Variants in PDE4B observed in about 807,000 individuals in gnomAD.
The protein encoded by PDE4B is 3',5'-cyclic-AMP phosphodiesterase 4B.
In PDE4B, 20 loss-of-function variants were observed where a neutral mutation model predicts 82.2. That is an observed-to-expected ratio of 0.24 (90% CI 0.17 to 0.35). The LOEUF (loss-of-function observed/expected upper bound fraction) is 0.35, where lower values mean the gene tolerates loss of function less well. Among genes scored for constraint, PDE4B ranks in the 10% least tolerant of loss-of-function variants. The probability of loss-of-function intolerance (pLI) is 1.00; values close to 1 mark genes in which losing one functional copy is unlikely to be tolerated. For missense variants in PDE4B, 655 were observed against 907.2 expected, an observed-to-expected ratio of 0.72 and a Z score of 3.57; for synonymous variants, 320 against 318.9, an observed-to-expected ratio of 1.00 and a Z score of -0.04.
Position 65,822,969 on chromosome 1 carries a change from C to T in PDE4B, c.-71+29721C>T, listed in dbSNP as rs191448900. ...TATACTAGACGTTGTAAAGTGGTAT[C>T]GCATACTGATTTTAATTTCCATTTT... On this transcript the variant is annotated intron_variant, in intron 1 of 16. Coordinates refer to ENST00000341517, the MANE Select transcript of PDE4B (RefSeq NM_002600.4). Among the ~76,000 whole-genome samples the T allele has an allele frequency of 2.0e-3, 301 of 152,242 alleles. 1 individual carries two copies. The highest frequency in any genetic ancestry group is 3.1e-3 in the Non-Finnish European group (213 of 68,020).
At chr1:65,847,800 G>A (rs1646283922) in intron 1 of PDE4B, among the ~76,000 whole-genome samples, 1 of 152,184 alleles carries the variant, frequency 6.6e-6, no homozygotes, top group African/African-American at 2.4e-5. Flanking sequence ...CCCTGAGCTT[G>A]GAACATTTGG....
intron 3 of PDE4B, among the ~76,000 whole-genome samples, chr1:66,117,747 GT>G (rs1333723283): frequency 6.6e-6 from 1 of 152,064 alleles, no homozygotes; most frequent in African/African-American, 2.4e-5. Context: ...GCCCATCTGA[GT>G]TTTCTTTGGT....
chr1:66,372,301 A>C lies in PDE4B; in HGVS notation c.1846-12A>C, dbSNP rs1392177475. On this transcript the variant is annotated splice_polypyrimidine_tract_variant and intron_variant, in intron 16 of 16. Coordinates refer to ENST00000341517, the MANE Select transcript of PDE4B (RefSeq NM_002600.4). ...ATCACAATAACAGATGTGTCATCTT[A>C]TTTTTCTCCAGGTTGGTTTCATCGA... is the stretch of plus-strand genomic sequence containing the variant. The C allele has an allele frequency of 3.1e-6, 5 of 1,589,356 alleles. No homozygotes were observed. Among genetic ancestry groups the C allele is most frequent in the Non-Finnish European group, 3.4e-6 (4 of 1,165,110 alleles).
At chr1:65,865,604 A>G (rs570723892) in intron 1 of PDE4B, among the ~76,000 whole-genome samples, 101 of 152,280 alleles carry the variant, frequency 6.6e-4, no homozygotes, top group African/African-American at 2.3e-3. Context: ...CCAATAGCAC[A>G]GTCCCTCACG....
At chr1:65,861,480 T>C (rs567000119) in intron 1 of PDE4B, among the ~76,000 whole-genome samples, 5 of 152,328 alleles carry the variant, frequency 3.3e-5, no homozygotes, top group Admixed American at 3.3e-4. Context: ...TCAGGTAGTG[T>C]GATGCCTCTA....
intron 4 of PDE4B, among the ~76,000 whole-genome samples, chr1:66,253,466 G>A (rs904721542): frequency 6.6e-5 from 10 of 152,220 alleles, no homozygotes; most frequent in South Asian, 6.2e-4. Flanking sequence ...TGCTCATTTC[G>A]TTATTCTACA....
chr1:65,956,306 A>C (rs1287959710), intron 3 of PDE4B, among the ~76,000 whole-genome samples: 1 of 152,126 alleles, frequency 6.6e-6, no homozygotes, highest in Non-Finnish European at 1.5e-5. Context: ...TCCTGTTTTA[A>C]TTCAGGAAAC....
At chr1:65,841,325 G>T (rs1482868501) in intron 1 of PDE4B, among the ~76,000 whole-genome samples, 1 of 150,510 alleles carries the variant, frequency 6.6e-6, no homozygotes, top group African/African-American at 2.4e-5. Flanking sequence ...GAAAAAAAGA[G>T]AGAGAGAGAA....
intron 7 of PDE4B, among the ~76,000 whole-genome samples, chr1:66,268,952 A>G (rs1013169827): frequency 5.9e-5 from 9 of 152,268 alleles, no homozygotes; most frequent in Non-Finnish European, 1.0e-4. Flanking sequence ...TGCCTTATCT[A>G]TCTTTTTATT....
At position 66,365,594 on chromosome 1, in the gene PDE4B, C is replaced by A; in HGVS notation, c.1285-73C>A. On this transcript the variant is annotated intron_variant, in intron 12 of 16. Transcript: ENST00000341517. ...CTCCCAACAAGAATAAAGTAGGATA[C>A]TTTACAAATGAAACTGAATAAGCAG... is the stretch of plus-strand genomic sequence containing the variant. 8.8e-6 allele frequency: 7 copies of A among 795,210 alleles called. No homozygotes were observed. In the East Asian group the frequency reaches 1.0e-4, roughly 12 times the overall value. The allele number at this position is 795,210 out of a possible 1,614,324, so 49.3% of individuals were successfully genotyped here. A position where few individuals can be genotyped will look rare whatever the true frequency, so the allele number is the denominator to read the frequency against.
chr1:66,195,665 G>GT (rs2101499706), intron 3 of PDE4B, among the ~76,000 whole-genome samples: 1 of 152,214 alleles, frequency 6.6e-6, no homozygotes, highest in South Asian at 2.1e-4. Flanking sequence ...CTGTAAAATG[G>GT]AAAATATATT....
At chr1:65,884,699 A>T (rs1646751750) in intron 1 of PDE4B, among the ~76,000 whole-genome samples, 1 of 152,220 alleles carries the variant, frequency 6.6e-6, no homozygotes, top group Non-Finnish European at 1.5e-5. Context: ...CACCTTATAC[A>T]AAAATTAATT....
At chr1:65,822,720 T>G (rs1449438173) in intron 1 of PDE4B, among the ~76,000 whole-genome samples, 1 of 152,120 alleles carries the variant, frequency 6.6e-6, no homozygotes, top group Non-Finnish European at 1.5e-5. Context: ...GGACACAGCA[T>G]TTGACCCTTC....
chr1:66,054,961 G>T (rs1031304675), intron 3 of PDE4B, among the ~76,000 whole-genome samples: 2 of 152,178 alleles, frequency 1.3e-5, no homozygotes, highest in African/African-American at 4.8e-5. Flanking sequence ...AGAAATCAGT[G>T]TAAACTAGTG....
chr1:66,018,244 C>T (rs1652890339), intron 3 of PDE4B, among the ~76,000 whole-genome samples: 1 of 152,010 alleles, frequency 6.6e-6, no homozygotes, highest in African/African-American at 2.4e-5. Flanking sequence ...CGTGAAACCC[C>T]GTCTCTACCA....
At chr1:66,152,283 T>C (rs1473260909) in intron 3 of PDE4B, 1 of 160,958 alleles carries the variant, frequency 6.2e-6, no homozygotes, top group Non-Finnish European at 1.4e-5. Context: ...TGGAAGCAAT[T>C]CCCAGTGCTG....
chr1:65,986,657 A>G (rs1650968327), intron 3 of PDE4B, among the ~76,000 whole-genome samples: 1 of 152,210 alleles, frequency 6.6e-6, no homozygotes, highest in South Asian at 2.1e-4. Context: ...TTAAATACCT[A>G]CTATGTAGCA....
chr1:66,243,979 A>C (rs933521128), intron 3 of PDE4B, among the ~76,000 whole-genome samples: 6 of 152,238 alleles, frequency 3.9e-5, no homozygotes, highest in Non-Finnish European at 8.8e-5. Flanking sequence ...AAATATTCAG[A>C]AACTTGTGAG....
chr1:65,821,592 G>T lies in PDE4B; in HGVS notation c.-71+28344G>T, dbSNP rs557789665. Reference sequence around the variant, plus strand: ...GTTACTTGTGTCTTAAATCTATTTTGTCTATACTTCTCCCTAATCTACTTC... The same window carrying T: ...GTTACTTGTGTCTTAAATCTATTTTTTCTATACTTCTCCCTAATCTACTTC... On this transcript the variant is annotated intron_variant, in intron 1 of 16. Transcript: ENST00000341517. Among the ~76,000 whole-genome samples the T allele has an allele frequency of 3.3e-5, 5 of 152,192 alleles. No homozygotes were observed. The East Asian group carries it at 7.7e-4, about 24-fold the overall frequency.
Sources: allele counts gnomAD v4.1 joint callset (sites outside exome capture counted in the v4.1 genomes callset), GRCh38; gene constraint gnomAD v4.1.1; transcripts MANE v1.5; gene names NCBI Gene and HGNC (gene_info 2026-07-23, HGNC 2026-07-21).